Variants in RMND5A observed in about 807,000 individuals in gnomAD.
RMND5A encodes E3 ubiquitin-protein transferase RMND5A.
A neutral mutation model predicts 49.7 loss-of-function variants in RMND5A; 17 were observed. The observed-to-expected ratio is 0.34, with a 90% CI of 0.23 to 0.51. The LOEUF (loss-of-function observed/expected upper bound fraction) is 0.51. Among genes scored for constraint, RMND5A ranks in the 20% least tolerant of loss-of-function variants. The probability of loss-of-function intolerance (pLI) is 0.96; values close to 1 mark genes in which losing one functional copy is unlikely to be tolerated. For synonymous variants in RMND5A, 156 were observed against 167.7 expected (o/e 0.93, Z 0.54); for missense variants, 255 against 471.3 (o/e 0.54, Z 4.25).
rs1447725933 is a variant in RMND5A, at chr2:86,771,608, C to T, written c.1008C>T (p.Cys336=). 2 of 1,613,268 alleles carry T rather than the reference C, an allele frequency of 1.2e-6. No homozygotes were observed. The highest frequency in any genetic ancestry group is 1.3e-5 in the African/African-American group (1 of 74,720). ...GCTGGTATCACTCTATATTTGCCTG[C>T]CCCATTCTTCGTCAGCAAACAACAG... ...KKCWYHSIFA[C]PILRQQTTDN... is the part of the protein sequence containing the mutation. The change falls in exon 8 of 9, where the codon TGC becomes TGT. Residue 336 remains cysteine, a synonymous_variant. Coordinates refer to ENST00000283632, the MANE Select transcript of RMND5A (RefSeq NM_022780.4).
At chr2:86,748,850 C>G (rs930720597) in intron 2 of RMND5A, among the ~76,000 whole-genome samples, 2 of 152,108 alleles carry the variant, frequency 1.3e-5, no homozygotes, top group African/African-American at 2.4e-5. Flanking sequence ...GGAATAGGTA[C>G]TAATAAATTT....
intron 2 of RMND5A, among the ~76,000 whole-genome samples, chr2:86,751,447 C>T (rs1188724533): frequency 6.6e-6 from 1 of 152,130 alleles, no homozygotes; most frequent in Non-Finnish European, 1.5e-5. Flanking sequence ...TGGCCATGCC[C>T]CCACAACCAC....
chr2:86,756,129 C>G (rs1681735496), intron 4 of RMND5A, among the ~76,000 whole-genome samples: 1 of 152,118 alleles, frequency 6.6e-6, no homozygotes, highest in Admixed American at 6.5e-5. Flanking sequence ...CAGTGGCTCA[C>G]ACCTGTAAGC....
intron 2 of RMND5A, among the ~76,000 whole-genome samples, chr2:86,751,100 A>T (rs1165079386): frequency 6.6e-6 from 1 of 151,992 alleles, no homozygotes; most frequent in Admixed American, 6.6e-5. Flanking sequence ...GAACATTTTG[A>T]ATATGTATTA....
At chr2:86,755,159 C>T (rs1385792013) in intron 4 of RMND5A, among the ~76,000 whole-genome samples, 3 of 151,384 alleles carry the variant, frequency 2.0e-5, no homozygotes, top group East Asian at 1.9e-4. Flanking sequence ...CTCTGTGGCC[C>T]AGGCTAGAGT....
At position 86,751,941 on chromosome 2, in the gene RMND5A, C is replaced by T; in HGVS notation, c.331C>T (p.Gln111Ter). 1 of 1,613,704 alleles carries T rather than the reference C, an allele frequency of 6.2e-7. No individual in the cohort carries two copies. Among genetic ancestry groups the T allele is most frequent in the Non-Finnish European group, 8.5e-7 (1 of 1,179,692 alleles). ...CAGTGTGGGAATAGATGGCTGCTGG[C>T]AGGCAGACAGCCAAAGGCTTCTCAA... ...ISSVGIDGCW[Q>*]ADSQRLLNEV... The change falls in exon 3 of 9, where the codon CAG becomes TAG. Residue 111 changes from glutamine (Q) to a stop codon, truncating the protein, a stop_gained. Transcript: ENST00000283632. LOFTEE classifies it high-confidence loss of function.
intron 4 of RMND5A, among the ~76,000 whole-genome samples, chr2:86,763,530 AG>A (rs1418338482): frequency 6.6e-6 from 1 of 152,192 alleles, no homozygotes; most frequent in Non-Finnish European, 1.5e-5. Flanking sequence ...CTGTAACCGC[AG>A]CACTTTGGGA....
chr2:86,766,661 C>CAA lies in RMND5A; in HGVS notation c.854+657_854+658dup, dbSNP rs59511898. On this transcript the variant is annotated intron_variant, in intron 6 of 8. Coordinates refer to ENST00000283632, the MANE Select transcript of RMND5A (RefSeq NM_022780.4). ...CCCGTGCAACAATGCGAGACTGTCT[C>CAA]AAAAAAAAAAAAAAAAAAAAAGAAA... 6.0e-3 allele frequency among the ~76,000 whole-genome samples: 464 copies of CAA among 76,758 alleles called. 7 individuals are homozygous for CAA. Among genetic ancestry groups the CAA allele is most frequent in the African/African-American group, 0.016 (303 of 18,726 alleles). 50.4% of individuals were successfully genotyped at this position (76,758 alleles called of 152,430 possible).
rs544671076 is a variant in RMND5A at position 86,742,990 on chromosome 2, C to G, written c.285+1921C>G. Among the ~76,000 whole-genome samples, 315 of 152,272 alleles carry G rather than the reference C, an allele frequency of 2.1e-3. 1 individual carries two copies. The highest frequency in any genetic ancestry group is 6.9e-3 in the African/African-American group (286 of 41,546). On this transcript the variant is annotated intron_variant, in intron 2 of 8. Transcript: ENST00000283632. ...AATTCACCAATTATGCTTTCTGCAG[C>G]TGGTAGGCTGACCATATATGCCATG...
rs543492793 is a variant in RMND5A, at chr2:86,728,888, G to A, written c.142+8079G>A. On this transcript the variant is annotated intron_variant, in intron 1 of 8. Transcript: ENST00000283632. The stretch of plus-strand genomic sequence containing the variant: ...CCTGCCTCAGCCCCCGAGTAGCTGC[G>A]ATTACAGGCGCATGCCACCAGGCCT... Among the ~76,000 whole-genome samples the A allele has an allele frequency of 8.0e-5, 12 of 149,878 alleles. No individual in the cohort carries two copies. In the East Asian group the frequency reaches 1.8e-3, roughly 22 times the overall value.
At chr2:86,772,939 C>T (rs891938936) in intron 8 of RMND5A, among the ~76,000 whole-genome samples, 5 of 152,250 alleles carry the variant, frequency 3.3e-5, no homozygotes, top group South Asian at 4.2e-4. Context: ...GCATGTGGGC[C>T]GTTCTTGGTG....
rs1395895195 is a variant in RMND5A, at chr2:86,720,520, C to G, written c.-148C>G. Reference sequence around the variant, plus strand: ...CGGCTGCGCGGGGCTCCCCCGGCGCCGCGGCTAGTGCGCCCGCCGCCTCGG... The same window carrying G: ...CGGCTGCGCGGGGCTCCCCCGGCGCGGCGGCTAGTGCGCCCGCCGCCTCGG... On this transcript the variant is annotated 5_prime_UTR_variant, in exon 1 of 9. Transcript: ENST00000283632. 1.2e-5 allele frequency: 5 copies of G among 427,760 alleles called. No homozygotes were observed. Among genetic ancestry groups the G allele is most frequent in the Non-Finnish European group, 1.8e-5 (5 of 284,816 alleles). The allele number at this position is 427,760 out of a possible 1,614,324, so 26.5% of individuals were successfully genotyped here. A position where few individuals can be genotyped will look rare whatever the true frequency, so the allele number is the denominator to read the frequency against.
Position 86,775,937 on chromosome 2 carries a change from A to C in RMND5A, c.*2526A>C, listed in dbSNP as rs1332888876. On this transcript the variant is annotated 3_prime_UTR_variant, in exon 9 of 9. Transcript: ENST00000283632. ...GCTTTCTGCATGTCAGCAGTCCAGG[A>C]GGATGCTTTTTGTCTCTCTTTGCCT... The C allele has an allele frequency of 3.3e-5, 5 of 152,200 alleles. No homozygotes were observed. Among genetic ancestry groups the C allele is most frequent in the Non-Finnish European group, 5.9e-5 (4 of 68,040 alleles). The allele number at this position is 152,200 out of a possible 1,614,324, so 9.4% of individuals were successfully genotyped here.
chr2:86,766,249 T>C (rs1220885378), intron 6 of RMND5A, among the ~76,000 whole-genome samples: 1 of 152,196 alleles, frequency 6.6e-6, no homozygotes, highest in Non-Finnish European at 1.5e-5. Flanking sequence ...CCTTTTCCAC[T>C]GTATTGACAT....
chr2:86,768,571 G>A lies in RMND5A; in HGVS notation c.855-1452G>A, dbSNP rs187244662. 1.2e-4 allele frequency among the ~76,000 whole-genome samples: 18 copies of A among 152,346 alleles called. No homozygotes were observed. The East Asian group carries it at 2.7e-3, about 23-fold the overall frequency. On this transcript the variant is annotated intron_variant, in intron 6 of 8. Transcript: ENST00000283632. The stretch of plus-strand genomic sequence containing the variant: ...TTGGACTGTATTAGAGTGGCAACAA[G>A]GTGTCTCCCATCCGTGAGGAGCTCT...
chr2:86,767,128 A>G (rs1019406138), intron 6 of RMND5A, among the ~76,000 whole-genome samples: 5 of 152,098 alleles, frequency 3.3e-5, no homozygotes, highest in African/African-American at 1.2e-4. Context: ...TAGTGGCGCA[A>G]TCTCAGCTCA....
chr2:86,749,735 C>A (rs1401795772), intron 2 of RMND5A, among the ~76,000 whole-genome samples: 1 of 152,064 alleles, frequency 6.6e-6, no homozygotes, highest in African/African-American at 2.4e-5. Flanking sequence ...AGAAAAATGT[C>A]TGTGAAAAGG....
rs1394720926 is a variant in RMND5A at position 86,775,400 on chromosome 2, A to T, written c.*1989A>T. 6.7e-6 allele frequency: 1 copy of T among 148,772 alleles called. No homozygotes were observed. The highest frequency in any genetic ancestry group is 1.5e-5 in the Non-Finnish European group (1 of 67,482). 9.2% of individuals were successfully genotyped at this position (148,772 alleles called of 1,614,324 possible). A position where few individuals can be genotyped will look rare whatever the true frequency, so the allele number is the denominator to read the frequency against. On this transcript the variant is annotated 3_prime_UTR_variant, in exon 9 of 9. Coordinates refer to ENST00000283632, the MANE Select transcript of RMND5A (RefSeq NM_022780.4). ...TAGCTTATTCTTATCTTTCCACCCAAACACCTACACAACGTTTAGGCTTCC... is the reference window on the plus strand; with the variant it reads ...TAGCTTATTCTTATCTTTCCACCCATACACCTACACAACGTTTAGGCTTCC...
At chr2:86,754,141 A>T (rs2104398793) in intron 4 of RMND5A, among the ~76,000 whole-genome samples, 1 of 152,356 alleles carries the variant, frequency 6.6e-6, no homozygotes, top group East Asian at 1.9e-4. Flanking sequence ...CCAAGTAGGA[A>T]ATATTTTAGG....
Sources: gnomAD v4.1 joint callset for allele counts (sites outside exome capture counted in the v4.1 genomes callset) on GRCh38, gnomAD v4.1.1 for gene constraint, MANE v1.5 for transcripts, NCBI Gene and HGNC (gene_info 2026-07-23, HGNC 2026-07-21) for gene names.